IL31RA: variants seen among roughly 807,000 people sequenced by gnomAD.
IL31RA encodes interleukin-31 receptor subunit alpha.
Under a neutral mutation model 83.7 loss-of-function variants are expected in IL31RA, and 66 were observed. That is an observed-to-expected ratio of 0.79 (90% CI 0.65 to 0.97). The LOEUF (loss-of-function observed/expected upper bound fraction) is 0.97, where lower values mean the gene tolerates loss of function less well. Among genes scored for constraint, IL31RA ranks in the 50% least tolerant of loss-of-function variants. The probability of loss-of-function intolerance (pLI) is 0.00; values close to 1 mark genes in which losing one functional copy is unlikely to be tolerated. For missense variants in IL31RA, 798 were observed against 919.4 expected, an observed-to-expected ratio of 0.87 and a Z score of 1.71; for synonymous variants, 325 against 329.0, an observed-to-expected ratio of 0.99 and a Z score of 0.13.
intron 2 of IL31RA, chr5:55,866,614 C>G (rs568641679): frequency 6.6e-6 from 1 of 152,262 alleles, no homozygotes; most frequent in Non-Finnish European, 1.5e-5. Flanking sequence ...GGCCCAGTTC[C>G]TAACAGGCCA....
chr5:55,858,298 A>C (rs1258816582), intron 1 of IL31RA, among the ~76,000 whole-genome samples: 1 of 152,190 alleles, frequency 6.6e-6, no homozygotes, highest in Admixed American at 6.6e-5. Context: ...ACTTGTAAAT[A>C]ATGTGAGCTA....
chr5:55,900,153 T>C, intron 8 of IL31RA, 21 bp downstream of exon 8: 1 of 1,535,648 alleles, frequency 6.5e-7, no homozygotes, highest in Non-Finnish European at 9.0e-7. Flanking sequence ...CATCAACTTC[T>C]TCCTTAGGTG....
chr5:55,889,319 A>G (rs1434711618), intron 5 of IL31RA, among the ~76,000 whole-genome samples: 1 of 152,190 alleles, frequency 6.6e-6, no homozygotes, highest in Admixed American at 6.5e-5. Flanking sequence ...AACTGATTTT[A>G]TTTACCTCTT....
At chr5:55,910,458 T>C (rs1749431968) in intron 11 of IL31RA, 74 bp from the exon 12 acceptor site, 2 of 1,556,472 alleles carry the variant, frequency 1.3e-6, no homozygotes, top group Non-Finnish European at 1.8e-6. Flanking sequence ...CCAATGCTCT[T>C]ATTTTGGTGC....
intron 11 of IL31RA, among the ~76,000 whole-genome samples, chr5:55,909,932 G>A (rs569112528): frequency 5.9e-5 from 9 of 152,286 alleles, no homozygotes; most frequent in East Asian, 1.9e-4. Context: ...TCGAACTCCC[G>A]ACCTCGGGTG....
chr5:55,874,012 A>AAT, intron 4 of IL31RA, among the ~76,000 whole-genome samples: 1 of 152,188 alleles, frequency 6.6e-6, no homozygotes, highest in South Asian at 2.1e-4. Context: ...AGAGTTTTGA[A>AAT]GTCTTAGTTC....
At chr5:55,850,717 G>T (rs1426567279), upstream of IL31RA, among the ~76,000 whole-genome samples, 1 of 152,088 alleles carries the variant, frequency 6.6e-6, no homozygotes, top group African/African-American at 2.4e-5. Context: ...TATGATTTTT[G>T]TTTCAGAGGT....
In IL31RA at chr5:55,913,519, G is replaced by T. The variant is rs1284043082; in HGVS notation, c.1685G>T (p.Gly562Val). The T allele has an allele frequency of 1.9e-6, 3 of 1,613,650 alleles. No homozygotes were observed. The highest frequency in any genetic ancestry group is 2.5e-6 in the Non-Finnish European group (3 of 1,179,624). Residue 562 changes from glycine (G) to valine (V), a missense_variant, in exon 13 of 15, where the codon GGC (glycine) becomes GTC (valine). Gly to Val is a moderately radical substitution (Grantham distance 109). Coordinates refer to ENST00000652347, the MANE Select transcript of IL31RA (RefSeq NM_139017.7). Reference sequence around the variant, plus strand: ...CTCATAACTTCTCTGATTGGTGGAGGCCTTCTTATTCTCATTATCCTGACA... The same window carrying T: ...CTCATAACTTCTCTGATTGGTGGAGTCCTTCTTATTCTCATTATCCTGACA... The part of the protein sequence containing the change: ...IILITSLIGG[G>V]LLILIILTVA...
chr5:55,898,463 T>C (rs1241900496), intron 7 of IL31RA, among the ~76,000 whole-genome samples: 1 of 152,108 alleles, frequency 6.6e-6, no homozygotes, highest in Non-Finnish European at 1.5e-5. Context: ...GCCATTGAAC[T>C]CACATTAAAA....
At chr5:55,868,706 T>TGA in intron 2 of IL31RA, 85 bp from the exon 3 acceptor site, 1 of 865,524 alleles carries the variant, frequency 1.2e-6, no homozygotes, top group Admixed American at 1.7e-5. Flanking sequence ...TCAGCATATT[T>TGA]TCCATTAAAA....
chr5:55,873,172 T>C (rs1267078214), intron 4 of IL31RA, among the ~76,000 whole-genome samples: 1 of 152,202 alleles, frequency 6.6e-6, no homozygotes, highest in Non-Finnish European at 1.5e-5. Flanking sequence ...GTGGTCTTTT[T>C]ATCTAATTTC....
At chr5:55,889,264 C>T (rs1747830007) in intron 5 of IL31RA, among the ~76,000 whole-genome samples, 1 of 152,150 alleles carries the variant, frequency 6.6e-6, no homozygotes, top group Non-Finnish European at 1.5e-5. Flanking sequence ...TTATATAAAG[C>T]AACACCTTCA....
the IL31RA span, among the ~76,000 whole-genome samples, chr5:55,840,397 T>A: frequency 6.6e-6 from 1 of 152,314 alleles, no homozygotes; most frequent in South Asian, 2.1e-4. Context: ...GAGGAATCAG[T>A]TGTATCAAGT....
chr5:55,840,127 G>T, the IL31RA span: 1 of 304,120 alleles, frequency 3.3e-6, no homozygotes, highest in Non-Finnish European at 6.4e-6. Context: ...GACTTTACTA[G>T]TATCTATGCT....
the IL31RA span, among the ~76,000 whole-genome samples, chr5:55,844,617 G>A: frequency 6.8e-3 from 1,031 of 151,790 alleles, 11 homozygotes; most frequent in Middle Eastern, 0.01. Flanking sequence ...ATCTCACTTG[G>A]TGTTCTCTGA....
intron 8 of IL31RA, among the ~76,000 whole-genome samples, chr5:55,904,467 T>A (rs1283960816): frequency 6.6e-6 from 1 of 152,154 alleles, no homozygotes; most frequent in African/African-American, 2.4e-5. Context: ...AGGGGAAGGC[T>A]GGAAGGAGAA....
chr5:55,901,391 A>C (rs1338526612), intron 8 of IL31RA, among the ~76,000 whole-genome samples: 1 of 152,132 alleles, frequency 6.6e-6, no homozygotes, highest in Non-Finnish European at 1.5e-5. Context: ...TTTGGAGTCC[A>C]GCAGCCCCGG....
chr5:55,913,454 C>G (rs566581898), intron 12 of IL31RA, 23 bp from the exon 13 acceptor site: 1 of 1,518,368 alleles, frequency 6.6e-7, no homozygotes, highest in Non-Finnish European at 9.2e-7. Context: ...TCACTACTGA[C>G]TTTTGTTCTT....
At chr5:55,875,094 C>T (rs1276154190) in intron 4 of IL31RA, among the ~76,000 whole-genome samples, 1 of 152,120 alleles carries the variant, frequency 6.6e-6, no homozygotes, top group African/African-American at 2.4e-5. Context: ...GGTGTGGGAT[C>T]TTGTCACATG....
Sources: allele counts gnomAD v4.1 joint callset (sites outside exome capture counted in the v4.1 genomes callset), GRCh38; gene constraint gnomAD v4.1.1; transcripts MANE v1.5; gene names NCBI Gene and HGNC (gene_info 2026-07-23, HGNC 2026-07-21).